MYO7B: variants seen among roughly 807,000 people sequenced by gnomAD.
MYO7B encodes the protein myosin VIIB, also known as unconventional myosin-VIIb.
MYO7B carries 212 observed loss-of-function variants against 259.7 expected under a neutral mutation model. The observed-to-expected ratio is 0.82, with a 90% CI of 0.73 to 0.91. The LOEUF (loss-of-function observed/expected upper bound fraction) is 0.91. Among genes scored for constraint, MYO7B ranks in the 40% least tolerant of loss-of-function variants. The pLI, the probability that MYO7B is intolerant of heterozygous loss-of-function variation, is 0.00. For synonymous variants in MYO7B, 1,197 were observed against 1,166.4 expected, an observed-to-expected ratio of 1.03 and a Z score of -0.54; for missense variants, 2,732 against 2,813.5, an observed-to-expected ratio of 0.97 and a Z score of 0.66.
In MYO7B at chr2:127,590,028, C is replaced by T. The variant is rs1679497653; in HGVS notation, c.1855-64C>T. Reference sequence around the variant, plus strand: ...CTTGGCCGCAACCCTTGCTGGCCTACAGGGTCAGCTGTCCCAGGACATGGC... The same window carrying T: ...CTTGGCCGCAACCCTTGCTGGCCTATAGGGTCAGCTGTCCCAGGACATGGC... On this transcript the variant is annotated intron_variant, in intron 15 of 47. Transcript: ENST00000409816. This position sits in a 1 kb window ranked among gnomAD's most constrained non-coding sequence, Gnocchi z 4.6. 4 of 1,530,378 alleles carry T rather than the reference C, an allele frequency of 2.6e-6. No individual in the cohort carries two copies. The highest frequency in any genetic ancestry group is 2.7e-6 in the Non-Finnish European group (3 of 1,130,586). The allele number at this position is 1,530,378 out of a possible 1,614,324, so 94.8% of individuals were successfully genotyped here.
chr2:127,629,818 C>T lies in MYO7B; in HGVS notation c.4798C>T (p.Gln1600Ter), dbSNP rs1318909408. 8 of 1,562,394 alleles carry T rather than the reference C, an allele frequency of 5.1e-6. No homozygotes were observed. The highest frequency in any genetic ancestry group is 3.7e-5 in the Admixed American group (2 of 54,074). ...TIPTVTKPSA[Q>*]LLSLLAMSPE... is the part of the protein sequence containing the mutation. The stretch of plus-strand genomic sequence containing the variant: ...CCCCACGGTCACTAAGCCCTCGGCA[C>T]AGCTGCTGGTAACTGGCACGCTCCC... The change falls in exon 35 of 48, where the codon CAG becomes TAG. Residue 1600 changes from glutamine (Q) to a stop codon, truncating the protein, a stop_gained. Transcript: ENST00000409816. LOFTEE classifies it high-confidence loss of function.
At chr2:127,598,124 C>T (rs930846365) in intron 19 of MYO7B, among the ~76,000 whole-genome samples, 1 of 152,156 alleles carries the variant, frequency 6.6e-6, no homozygotes. Context: ...GGGTTGTATG[C>T]CCAGGAGTGC....
Position 127,580,836 on chromosome 2 carries a change from G to A in MYO7B, c.1080+14G>A, listed in dbSNP as rs753726858. ...AAGTTACTGGAGGTAGGGGTGCTGT[G>A]CCCACAGCTTCCATTTTGGTGGGGG... is the stretch of plus-strand genomic sequence containing the variant. On this transcript the variant is annotated intron_variant, in intron 10 of 47. Transcript: ENST00000409816. 6.2e-7 allele frequency: 1 copy of A among 1,609,796 alleles called. No homozygotes were observed. Among genetic ancestry groups the A allele is most frequent in the Admixed American group, 1.7e-5 (1 of 59,508 alleles).
chr2:127,600,892 G>A (rs1446878737), intron 19 of MYO7B, among the ~76,000 whole-genome samples: 1 of 151,870 alleles, frequency 6.6e-6, no homozygotes, highest in Non-Finnish European at 1.5e-5. Context: ...CTAGATTCTT[G>A]AGGCAGGAGA....
In MYO7B at chr2:127,581,922, T is replaced by G; in HGVS notation, c.1112T>G (p.Ile371Ser). 1 of 1,613,848 alleles carries G rather than the reference T, an allele frequency of 6.2e-7. No individual in the cohort carries two copies. Among genetic ancestry groups the G allele is most frequent in the Non-Finnish European group, 8.5e-7 (1 of 1,179,832 alleles). Residue 371 changes from isoleucine (I) to serine (S), a missense_variant, in exon 11 of 48, where the codon ATC becomes AGC. Physicochemically the swap from Ile to Ser is moderately radical, Grantham distance 142 (BLOSUM62 -2). Transcript: ENST00000409816. ...VQHQELRDCL[I>S]KHTILIRGEF... is the part of the protein sequence containing the mutation. Reference sequence around the variant, plus strand: ...CACCAGGAGCTCCGGGACTGTCTGATCAAGCACACCATCCTCATCCGAGGG... The same window carrying G: ...CACCAGGAGCTCCGGGACTGTCTGAGCAAGCACACCATCCTCATCCGAGGG...
At chr2:127,609,000 C>A in intron 22 of MYO7B, 122 bp downstream of exon 22, 1 of 1,285,444 alleles carries the variant, frequency 7.8e-7, no homozygotes, top group Non-Finnish European at 1.1e-6. Flanking sequence ...GTGTGTGCTG[C>A]AGCCCTGCTG....
rs1678915663 is a variant in MYO7B, at chr2:127,577,417, T to C, written c.849+709T>C. On this transcript the variant is annotated intron_variant, in intron 8 of 47. Coordinates refer to ENST00000409816, the MANE Select transcript of MYO7B (RefSeq NM_001393586.1). The surrounding 1 kb of genome is among the most constrained non-coding windows in gnomAD (Gnocchi z 5.2). ...TAGGAAGGTTTGCACTGTAGTGTCA[T>C]GCTTTGGATGGCACTGCTGCAGTGA... is the stretch of plus-strand genomic sequence containing the variant. Among the ~76,000 whole-genome samples, 1 of 152,208 alleles carries C rather than the reference T, an allele frequency of 6.6e-6. No homozygotes were observed. The highest frequency in any genetic ancestry group is 2.1e-4 in the South Asian group (1 of 4,836).
intron 18 of MYO7B, among the ~76,000 whole-genome samples, chr2:127,595,929 T>TGTATACTC (rs1190907081): frequency 6.6e-6 from 1 of 152,200 alleles, no homozygotes; most frequent in African/African-American, 2.4e-5. Flanking sequence ...CCGAGAAGAA[T>TGTATACTC]GTATACTCTG....
At chr2:127,605,362 G>A (rs558919515) in intron 19 of MYO7B, among the ~76,000 whole-genome samples, 9 of 152,352 alleles carry the variant, frequency 5.9e-5, no homozygotes, top group Non-Finnish European at 8.8e-5. Context: ...TTGGGAGGCC[G>A]AGGTAGGTGG....
Position 127,627,657 on chromosome 2 carries a change from G to A in MYO7B, c.4460+347G>A, listed in dbSNP as rs1409140233. On this transcript the variant is annotated intron_variant, in intron 33 of 47. Coordinates refer to ENST00000409816, the MANE Select transcript of MYO7B (RefSeq NM_001393586.1). The surrounding 1 kb of genome is among the most constrained non-coding windows in gnomAD (Gnocchi z 5.6). ...TGGACGAGAACTGGTGGCCTGGAGGGTACAGGTTGTCTGGGAAGGCGACAA... is the reference window on the plus strand; with the variant it reads ...TGGACGAGAACTGGTGGCCTGGAGGATACAGGTTGTCTGGGAAGGCGACAA... 2.1e-6 allele frequency: 1 copy of A among 468,894 alleles called. No individual in the cohort carries two copies. Among genetic ancestry groups the A allele is most frequent in the East Asian group, 6.7e-5 (1 of 15,032 alleles). The allele number at this position is 468,894 out of a possible 1,614,324, so 29.0% of individuals were successfully genotyped here.
intron 7 of MYO7B, among the ~76,000 whole-genome samples, chr2:127,574,738 T>C (rs6750339): frequency 0.06 from 9,161 of 152,234 alleles, 726 homozygotes; most frequent in African/African-American, 0.17. Context: ...GGAAGTACAG[T>C]GGCATGTGGC....
chr2:127,603,243 G>A (rs1453277410), intron 19 of MYO7B, among the ~76,000 whole-genome samples: 1 of 152,138 alleles, frequency 6.6e-6, no homozygotes, highest in African/African-American at 2.4e-5. Flanking sequence ...TGTTCTTAGT[G>A]GCATCTAGAA....
At position 127,584,479 on chromosome 2, in the gene MYO7B, C is replaced by A; in HGVS notation, c.1554+147C>A. 1 of 897,376 alleles carries A rather than the reference C, an allele frequency of 1.1e-6. No homozygotes were observed. The highest frequency in any genetic ancestry group is 1.7e-6 in the Non-Finnish European group (1 of 599,832). 55.6% of individuals were successfully genotyped at this position (897,376 alleles called of 1,614,324 possible). ...ATAAGCAGAAGAGCCTCAGTCTAAC[C>A]AGACAGACCCTCCTCTCCAAGGCCC... On this transcript the variant is annotated intron_variant, in intron 13 of 47. Transcript: ENST00000409816. The surrounding 1 kb of genome is among the most constrained non-coding windows in gnomAD (Gnocchi z 5.8).
At chr2:127,633,503 C>T (rs1681632335) in intron 40 of MYO7B, 140 bp downstream of exon 40, 4 of 813,942 alleles carry the variant, frequency 4.9e-6, no homozygotes, top group Non-Finnish European at 5.8e-6. Flanking sequence ...GTCTCCCGCC[C>T]TCTCCCCATG....
intron 10 of MYO7B, 65 bp downstream of exon 10, chr2:127,580,887 C>A: frequency 6.9e-7 from 1 of 1,444,216 alleles, no homozygotes; most frequent in Non-Finnish European, 9.6e-7. Flanking sequence ...GCTGACAGAC[C>A]CCTGACACCT....
intron 27 of MYO7B, 103 bp from the exon 28 acceptor site, chr2:127,621,879 A>G (rs1343347273): frequency 3.3e-6 from 5 of 1,515,896 alleles, no homozygotes; most frequent in Non-Finnish European, 3.6e-6. Flanking sequence ...CTCAATGCAC[A>G]TTATACACTG....
In MYO7B at chr2:127,590,024, C is replaced by T. The variant is rs559309111; in HGVS notation, c.1855-68C>T. On this transcript the variant is annotated intron_variant, in intron 15 of 47. Transcript: ENST00000409816. This position sits in a 1 kb window ranked among gnomAD's most constrained non-coding sequence, Gnocchi z 4.6. ...GGGCCTTGGCCGCAACCCTTGCTGG[C>T]CTACAGGGTCAGCTGTCCCAGGACA... 122 of 1,525,556 alleles carry T rather than the reference C, an allele frequency of 8.0e-5. 1 individual carries two copies. In the African/African-American group the frequency reaches 1.3e-3, roughly 17 times the overall value. 94.5% of individuals were successfully genotyped at this position (1,525,556 alleles called of 1,614,324 possible).
At chr2:127,603,998 T>C (rs566321348) in intron 19 of MYO7B, among the ~76,000 whole-genome samples, 1 of 152,192 alleles carries the variant, frequency 6.6e-6, no homozygotes, top group East Asian at 1.9e-4. Context: ...CCGGGCATGG[T>C]AGTGGAAGCC....
At chr2:127,541,208 G>C (rs1220618281) in intron 1 of MYO7B, among the ~76,000 whole-genome samples, 1 of 151,972 alleles carries the variant, frequency 6.6e-6, no homozygotes, top group African/African-American at 2.4e-5. Flanking sequence ...TCTCCACGGT[G>C]AAGGGGGCAT....
Sources: allele counts gnomAD v4.1 joint callset (sites outside exome capture counted in the v4.1 genomes callset), GRCh38; gene constraint gnomAD v4.1.1; non-coding constraint Gnocchi (gnomAD v3.1); transcripts MANE v1.5; gene names NCBI Gene and HGNC (gene_info 2026-07-23, HGNC 2026-07-21).